SKAP1: variants seen among roughly 807,000 people sequenced by gnomAD.
The protein encoded by SKAP1 is src kinase associated phosphoprotein 1.
SKAP1 carries 44 observed loss-of-function variants against 58.5 expected under a neutral mutation model. That is an observed-to-expected ratio of 0.75 (90% confidence interval 0.59 to 0.97). The LOEUF (loss-of-function observed/expected upper bound fraction) is 0.97, where lower values mean the gene tolerates loss of function less well. SKAP1 is among the 50% of genes least tolerant of loss of function. The probability of loss-of-function intolerance (pLI) is 0.00; values close to 1 mark genes in which losing one functional copy is unlikely to be tolerated. For synonymous variants in SKAP1, 127 were observed against 149.7 expected (o/e 0.85, Z 1.11); for missense variants, 390 against 435.2 (o/e 0.90, Z 0.92).
chr17:48,220,965 A>G (rs1382233954), intron 4 of SKAP1, among the ~76,000 whole-genome samples: 3 of 150,488 alleles, frequency 2.0e-5, no homozygotes, highest in Non-Finnish European at 4.4e-5. Flanking sequence ...AAGTGTGTTC[A>G]CTTTGTTAAA....
intron 9 of SKAP1, among the ~76,000 whole-genome samples, chr17:48,176,652 A>G (rs1389000268): frequency 6.6e-6 from 1 of 152,176 alleles, no homozygotes; most frequent in Non-Finnish European, 1.5e-5. Flanking sequence ...TCCAGGACTA[A>G]CGTTTTTGTG....
intron 5 of SKAP1, 138 bp downstream of exon 5, chr17:48,189,285 T>C (rs2064502806): frequency 1.5e-6 from 1 of 657,424 alleles, no homozygotes; most frequent in Non-Finnish European, 2.6e-6. Context: ...ACTCCTTTCC[T>C]TTCCTTGCTT....
intron 8 of SKAP1, among the ~76,000 whole-genome samples, chr17:48,181,282 C>T (rs2064365508): frequency 6.6e-6 from 1 of 152,098 alleles, no homozygotes; most frequent in Middle Eastern, 3.2e-3. Flanking sequence ...TGAATAATTT[C>T]TTCAATGTGG....
At chr17:48,207,541 T>C (rs920172664) in intron 4 of SKAP1, among the ~76,000 whole-genome samples, 2 of 151,930 alleles carry the variant, frequency 1.3e-5, no homozygotes, top group East Asian at 1.9e-4. Flanking sequence ...GAATTAGATA[T>C]TGTCTTAAGA....
At chr17:48,336,710 T>C (rs951600813) in intron 4 of SKAP1, among the ~76,000 whole-genome samples, 5 of 144,810 alleles carry the variant, frequency 3.5e-5, no homozygotes, top group African/African-American at 1.0e-4. Flanking sequence ...TTAAATGAGA[T>C]ATTAGTAAGA....
At chr17:48,185,480 A>G (rs992242860) in intron 6 of SKAP1, among the ~76,000 whole-genome samples, 1 of 152,156 alleles carries the variant, frequency 6.6e-6, no homozygotes, top group Non-Finnish European at 1.5e-5. Flanking sequence ...AAGGACCATA[A>G]GTGAAGAGAG....
At chr17:48,135,098 G>A (rs539902169) in intron 12 of SKAP1, among the ~76,000 whole-genome samples, 1 of 152,340 alleles carries the variant, frequency 6.6e-6, no homozygotes, top group East Asian at 1.9e-4. Flanking sequence ...GTCAAACCTT[G>A]AGTGACAGGC....
At chr17:48,296,407 T>C (rs776093559) in intron 4 of SKAP1, among the ~76,000 whole-genome samples, 10 of 152,192 alleles carry the variant, frequency 6.6e-5, no homozygotes, top group Non-Finnish European at 1.2e-4. Context: ...GTGGTTGTTG[T>C]TGTTTAAAAA....
chr17:48,207,485 CAAAAA>C (rs11367185), intron 4 of SKAP1, among the ~76,000 whole-genome samples: 1 of 103,786 alleles, frequency 9.6e-6, no homozygotes, highest in Non-Finnish European at 2.0e-5. Context: ...GACTCTGTCT[CAAAAA>C]AAAAAAAAAA....
At chr17:48,330,236 TA>T (rs2066488138) in intron 4 of SKAP1, among the ~76,000 whole-genome samples, 1 of 152,212 alleles carries the variant, frequency 6.6e-6, no homozygotes. Context: ...ATTATTTTTT[TA>T]ATTTAAAAGT....
chr17:48,421,232 A>C (rs1182349571), intron 1 of SKAP1, among the ~76,000 whole-genome samples: 1 of 151,888 alleles, frequency 6.6e-6, no homozygotes, highest in African/African-American at 2.4e-5. Flanking sequence ...AGGAGAATAG[A>C]CCTTTTTTTA....
At chr17:48,324,734 A>C (rs1422992342) in intron 4 of SKAP1, among the ~76,000 whole-genome samples, 1 of 152,028 alleles carries the variant, frequency 6.6e-6, no homozygotes, top group Admixed American at 6.6e-5. Flanking sequence ...GTGTATACTT[A>C]TTTTCTTGAA....
At chr17:48,134,701 T>A (rs2063677617) in intron 12 of SKAP1, among the ~76,000 whole-genome samples, 1 of 151,906 alleles carries the variant, frequency 6.6e-6, no homozygotes, top group Non-Finnish European at 1.5e-5. Flanking sequence ...GGTGAATTTG[T>A]TTTTTATTTT....
intron 4 of SKAP1, among the ~76,000 whole-genome samples, chr17:48,243,722 A>G (rs981889645): frequency 6.6e-6 from 1 of 152,180 alleles, no homozygotes; most frequent in African/African-American, 2.4e-5. Flanking sequence ...ATATATATAT[A>G]AAACAGGCTT....
chr17:48,167,514 T>C (rs1425046349), intron 10 of SKAP1, among the ~76,000 whole-genome samples: 2 of 152,198 alleles, frequency 1.3e-5, no homozygotes, highest in Non-Finnish European at 2.9e-5. Flanking sequence ...GTTCACTCTA[T>C]TGGCGCGCAC....
At chr17:48,436,613 C>T in the SKAP1 span, among the ~76,000 whole-genome samples, 1 of 152,070 alleles carries the variant, frequency 6.6e-6, no homozygotes, top group Non-Finnish European at 1.5e-5. Context: ...TTCAATATTT[C>T]CTTCTGCCTG....
intron 11 of SKAP1, among the ~76,000 whole-genome samples, chr17:48,150,410 G>T (rs972674414): frequency 2.6e-5 from 4 of 152,180 alleles, no homozygotes; most frequent in Non-Finnish European, 5.9e-5. Context: ...AGCAGGAGAG[G>T]AGGAACAGGA....
intron 4 of SKAP1, among the ~76,000 whole-genome samples, chr17:48,332,227 T>C (rs2066516204): frequency 6.6e-6 from 1 of 152,114 alleles, no homozygotes; most frequent in Non-Finnish European, 1.5e-5. Context: ...AGAATAATCA[T>C]ATTAACTTCT....
intron 4 of SKAP1, among the ~76,000 whole-genome samples, chr17:48,257,812 G>A (rs1567841292): frequency 6.6e-6 from 1 of 151,874 alleles, no homozygotes; most frequent in Non-Finnish European, 1.5e-5. Context: ...AAAAATAACT[G>A]TAGTGTATGC....
Sources: allele counts gnomAD v4.1 joint callset (sites outside exome capture counted in the v4.1 genomes callset), GRCh38; gene constraint gnomAD v4.1.1; transcripts MANE v1.5; gene names NCBI Gene and HGNC (gene_info 2026-07-23, HGNC 2026-07-21).